SHD: variants seen among roughly 807,000 people sequenced by gnomAD.
SHD encodes the protein Src homology 2 domain containing transforming protein D.
In SHD, 29 loss-of-function variants were observed where a neutral mutation model predicts 31.2. The ratio of observed to expected loss-of-function variants is 0.93; its 90% CI spans 0.69 to 1.27. The LOEUF is 1.27. Ranked by LOEUF, SHD falls within the 50% of genes most tolerant of loss-of-function variation. The pLI is 0.00. For synonymous variants in SHD, 208 were observed against 187.8 expected, an observed-to-expected ratio of 1.11 and a Z score of -0.88; for missense variants, 520 against 453.8, an observed-to-expected ratio of 1.15 and a Z score of -1.33.
chr19:4,286,202 T>TTTTC (rs148405058), intron 4 of SHD, among the ~76,000 whole-genome samples: 1,890 of 124,534 alleles, frequency 0.015, 31 homozygotes, highest in South Asian at 0.029. Context: ...CGCTCTTTCT[T>TTTTC]TTTCTTTCTT....
intron 4 of SHD, 150 bp from the exon 5 acceptor site, chr19:4,288,093 C>T (rs1160558791): frequency 2.2e-5 from 18 of 819,410 alleles, no homozygotes; most frequent in South Asian, 1.9e-4. Context: ...TTAGTAGAAA[C>T]GGGGTTTCAC....
Position 4,280,041 on chromosome 19 carries a change from C to T in SHD, c.-23C>T, listed in dbSNP as rs1971240006. 1 of 1,573,118 alleles carries T rather than the reference C, an allele frequency of 6.4e-7. No homozygotes were observed. Among genetic ancestry groups the T allele is most frequent in the Non-Finnish European group, 8.6e-7 (1 of 1,161,344 alleles). ...TGTGGGGGCCCCTCTGACAGTGGCC[C>T]GATTGGGGTGACAGGCGCCCAAATG... is the stretch of plus-strand genomic sequence containing the variant. On this transcript the variant is annotated 5_prime_UTR_variant, in exon 1 of 6. Coordinates refer to ENST00000543264, the MANE Select transcript of SHD (RefSeq NM_020209.4).
chr19:4,283,824 C>T (rs1316718823), intron 3 of SHD, among the ~76,000 whole-genome samples: 1 of 150,898 alleles, frequency 6.6e-6, no homozygotes, highest in Non-Finnish European at 1.5e-5. Flanking sequence ...GTGATCCACC[C>T]GCCTCGGCCT....
rs1491118839 is a variant in SHD, at chr19:4,287,339, AAG to A, written c.717-902_717-901del. On this transcript the variant is annotated intron_variant, in intron 4 of 5. Coordinates refer to ENST00000543264, the MANE Select transcript of SHD (RefSeq NM_020209.4). Reference sequence around the variant, plus strand: ...AGAGCGAGACTCTGTCTCAAAAAAAAAGAAAGAAAAAGAAAAAAACAGAAAGG... The same window carrying A: ...AGAGCGAGACTCTGTCTCAAAAAAAAAAAGAAAAAGAAAAAAACAGAAAGG... Among the ~76,000 whole-genome samples the A allele has an allele frequency of 4.6e-5, 7 of 151,278 alleles. No individual in the cohort carries two copies. The East Asian group carries it at 5.8e-4, about 13-fold the overall frequency.
chr19:4,290,507 G>T lies in SHD; in HGVS notation c.897G>T (p.Leu299=). The change falls in exon 6 of 6, where the codon CTG becomes CTT. Residue 299 remains leucine (L), a synonymous_variant. Transcript: ENST00000543264. Reference sequence around the variant, plus strand: ...GGACCCGTGAGAACCAGGTGGTGCTGGGCCAACACAGCGGGCCCTTCCCCA... The same window carrying T: ...GGACCCGTGAGAACCAGGTGGTGCTTGGCCAACACAGCGGGCCCTTCCCCA... ...FARTRENQVV[L]GQHSGPFPSV... The T allele has an allele frequency of 6.2e-7, 1 of 1,613,630 alleles. No homozygotes were observed. The highest frequency in any genetic ancestry group is 8.5e-7 in the Non-Finnish European group (1 of 1,180,004).
chr19:4,285,884 C>CCTTT (rs1448269687), intron 4 of SHD, among the ~76,000 whole-genome samples: 7 of 108,874 alleles, frequency 6.4e-5, no homozygotes, highest in African/African-American at 2.2e-4. Flanking sequence ...CTTTTCTTTT[C>CCTTT]CTTTCTTTTT....
chr19:4,283,208 G>A lies in SHD; in HGVS notation c.558G>A (p.Glu186=). ...RPADEYDQPW[E]WKKDHISRAF... is the part of the protein sequence containing the mutation. ...CAGATGAGTATGATCAGCCCTGGGA[G>A]TGGAAGAAAGACCACATCTCCAGGG... Residue 186 remains glutamate, a synonymous_variant, in exon 3 of 6, where the codon GAG becomes GAA. Transcript: ENST00000543264. The A allele has an allele frequency of 6.2e-7, 1 of 1,614,030 alleles. No homozygotes were observed. Among genetic ancestry groups the A allele is most frequent in the Admixed American group, 1.7e-5 (1 of 60,010 alleles).
Position 4,284,812 on chromosome 19 carries a change from T to C in SHD, c.624T>C (p.Thr208=). Residue 208 remains threonine (T), a synonymous_variant, in exon 4 of 6, where the codon ACT becomes ACC. Transcript: ENST00000543264. ...VQFDSPEWER[T]PGSAKELRRP... The stretch of plus-strand genomic sequence containing the variant: ...TTGACAGTCCAGAGTGGGAGAGGAC[T>C]CCAGGCTCAGCCAAGGAGCTCCGGA... The C allele has an allele frequency of 6.2e-7, 1 of 1,612,718 alleles. No homozygotes were observed. The highest frequency in any genetic ancestry group is 8.5e-7 in the Non-Finnish European group (1 of 1,179,296).
chr19:4,287,738 T>C (rs1971334934), intron 4 of SHD, among the ~76,000 whole-genome samples: 2 of 151,380 alleles, frequency 1.3e-5, no homozygotes, highest in African/African-American at 2.4e-5. Context: ...TGAGCCAAGA[T>C]TGCACCACTG....
At chr19:4,287,289 G>GCA in intron 4 of SHD, among the ~76,000 whole-genome samples, 1 of 151,204 alleles carries the variant, frequency 6.6e-6, no homozygotes, top group African/African-American at 2.4e-5. Context: ...CCGAGATCGT[G>GCA]CCACTGCACT....
At position 4,284,818 on chromosome 19, in the gene SHD, C is replaced by A. The variant is rs189700031; in HGVS notation, c.630C>A (p.Gly210=). Residue 210 remains glycine (G), a synonymous_variant, in exon 4 of 6, where the codon GGC becomes GGA. Coordinates refer to ENST00000543264, the MANE Select transcript of SHD (RefSeq NM_020209.4). The part of the protein sequence containing the change: ...FDSPEWERTP[G]SAKELRRPPP... ...GTCCAGAGTGGGAGAGGACTCCAGG[C>A]TCAGCCAAGGAGCTCCGGAGACCTC... 2 of 1,613,070 alleles carry A rather than the reference C, an allele frequency of 1.2e-6. No individual in the cohort carries two copies. The highest frequency in any genetic ancestry group is 2.2e-5 in the East Asian group (1 of 44,798).
At position 4,288,296 on chromosome 19, in the gene SHD, G is replaced by A; in HGVS notation, c.770G>A (p.Cys257Tyr). Residue 257 changes from cysteine (C) to tyrosine (Y), a missense_variant, in exon 5 of 6, where the codon TGC becomes TAC. Physicochemically the swap from Cys to Tyr is radical, Grantham distance 194. Transcript: ENST00000543264. Reference sequence around the variant, plus strand: ...GATGCAGAGAGCCTCCTGTCCCTCTGCAAGGAAGGCAGCTACCTAGTGCGG... The same window carrying A: ...GATGCAGAGAGCCTCCTGTCCCTCTACAAGGAAGGCAGCTACCTAGTGCGG... ...RADAESLLSLCKEGSYLVRLS... is the reference protein window; with the variant it reads ...RADAESLLSLYKEGSYLVRLS... The A allele has an allele frequency of 6.2e-7, 1 of 1,613,950 alleles. No homozygotes were observed. The highest frequency in any genetic ancestry group is 8.5e-7 in the Non-Finnish European group (1 of 1,179,934).
chr19:4,281,600 A>G (rs1360701171), intron 1 of SHD, among the ~76,000 whole-genome samples: 3 of 152,058 alleles, frequency 2.0e-5, no homozygotes, highest in Admixed American at 2.0e-4. Flanking sequence ...TCTACCAAAA[A>G]TGCAAAAATT....
Position 4,290,503 on chromosome 19 carries a change from T to A in SHD, c.893T>A (p.Val298Glu). The A allele has an allele frequency of 6.2e-7, 1 of 1,613,558 alleles. No homozygotes were observed. The highest frequency in any genetic ancestry group is 1.1e-5 in the South Asian group (1 of 91,068). The change falls in exon 6 of 6, where the codon GTG (valine) becomes GAG (glutamate). Residue 298 changes from valine to glutamate, a missense_variant. Transcript: ENST00000543264. ...GCGCGGACCCGTGAGAACCAGGTGG[T>A]GCTGGGCCAACACAGCGGGCCCTTC... ...KFARTRENQV[V>E]LGQHSGPFPS...
intron 4 of SHD, among the ~76,000 whole-genome samples, chr19:4,285,450 TG>T (rs1444660949): frequency 6.6e-6 from 1 of 152,096 alleles, no homozygotes; most frequent in Non-Finnish European, 1.5e-5. Context: ...ATCCAGACCA[TG>T]TTGTCACAGT....
At chr19:4,283,876 GC>G (rs1193894540) in intron 3 of SHD, among the ~76,000 whole-genome samples, 1 of 150,704 alleles carries the variant, frequency 6.6e-6, no homozygotes, top group Non-Finnish European at 1.5e-5. Flanking sequence ...CCGCGCCCCC[GC>G]CCGGGGCAGC....
chr19:4,286,888 C>CA (rs1368905851), intron 4 of SHD, among the ~76,000 whole-genome samples: 3 of 151,128 alleles, frequency 2.0e-5, no homozygotes, highest in Admixed American at 6.6e-5. Flanking sequence ...CAAAATAAAA[C>CA]AAAAAAACAT....
At chr19:4,284,232 C>A (rs1314005758) in intron 3 of SHD, among the ~76,000 whole-genome samples, 3 of 151,924 alleles carry the variant, frequency 2.0e-5, no homozygotes, top group Non-Finnish European at 4.4e-5. Context: ...AACCTGGAGG[C>A]GGAGGTTGCG....
chr19:4,287,285 TCG>T, intron 4 of SHD, among the ~76,000 whole-genome samples: 1 of 150,606 alleles, frequency 6.6e-6, no homozygotes, highest in African/African-American at 2.5e-5. Flanking sequence ...TGAGCCGAGA[TCG>T]TGCCACTGCA....
Sources: gnomAD v4.1 joint callset for allele counts (sites outside exome capture counted in the v4.1 genomes callset) on GRCh38, gnomAD v4.1.1 for gene constraint, MANE v1.5 for transcripts, NCBI Gene and HGNC (gene_info 2026-07-23, HGNC 2026-07-21) for gene names.